The following SIL1 variants were observed in gnomAD, a reference collection of about 807,000 sequenced individuals.
SIL1 encodes the protein SIL1 nucleotide exchange factor.
Under a neutral mutation model 49.1 loss-of-function variants are expected in SIL1, and 40 were observed. That is an observed-to-expected ratio of 0.81 (90% confidence interval 0.63 to 1.06). The LOEUF is 1.06. Among genes scored for constraint, SIL1 ranks in the 50% least tolerant of loss-of-function variants. The pLI is 0.00. For missense variants in SIL1, 500 were observed against 572.6 expected (o/e 0.87, Z 1.29); for synonymous variants, 253 against 250.8 (o/e 1.01, Z -0.08).
chr5:139,161,485 A>C (rs1413096832), intron 1 of SIL1, among the ~76,000 whole-genome samples: 1 of 152,226 alleles, frequency 6.6e-6, no homozygotes, highest in Non-Finnish European at 1.5e-5. Context: ...CAGTATCTGC[A>C]GGGCTACAGT....
chr5:138,977,461 G>C (rs1308313570), intron 7 of SIL1, among the ~76,000 whole-genome samples: 2 of 152,050 alleles, frequency 1.3e-5, no homozygotes, highest in Non-Finnish European at 2.9e-5. Context: ...GCAATCAGAG[G>C]AATCTTTTTT....
At chr5:139,061,218 G>A (rs1195141291) in intron 3 of SIL1, among the ~76,000 whole-genome samples, 2 of 152,242 alleles carry the variant, frequency 1.3e-5, no homozygotes, top group African/African-American at 4.8e-5. Flanking sequence ...CAGTGACAGG[G>A]CCTGCTCAGG....
In SIL1 at chr5:138,966,823, T is replaced by C. The variant is rs192648401; in HGVS notation, c.768-14939A>G. ...GCTAAGTAATTTTCCCAAGGTCACATAGCTAATAAGTAGCAGAGTCATGAA... is the reference window on the plus strand; with the variant it reads ...GCTAAGTAATTTTCCCAAGGTCACACAGCTAATAAGTAGCAGAGTCATGAA... On this transcript the variant is annotated intron_variant, in intron 7 of 9. Transcript: ENST00000394817. Among the ~76,000 whole-genome samples, 179 of 152,284 alleles carry C rather than the reference T, an allele frequency of 1.2e-3. 1 individual carries two copies. Among genetic ancestry groups the C allele is most frequent in the African/African-American group, 3.9e-3 (164 of 41,566 alleles).
chr5:139,011,530 C>T (rs1014366627), intron 7 of SIL1, among the ~76,000 whole-genome samples: 20 of 152,154 alleles, frequency 1.3e-4, no homozygotes, highest in East Asian at 9.6e-4. Flanking sequence ...GACAGGTTCT[C>T]GCTTTGTTGC....
At position 139,068,401 on chromosome 5, in the gene SIL1, G is replaced by C. The variant is rs1428333361; in HGVS notation, c.245-17355C>G. ...GGTAGGACTTCAAGGGGCCACAGCT[G>C]TCTAGTCCCCTGAACTCTCAAAATT... On this transcript the variant is annotated intron_variant, in intron 3 of 9. Transcript: ENST00000394817. Among the ~76,000 whole-genome samples the C allele has an allele frequency of 2.0e-5, 3 of 152,180 alleles. No homozygotes were observed. The East Asian group carries it at 5.8e-4, about 29-fold the overall frequency.
intron 1 of SIL1, among the ~76,000 whole-genome samples, chr5:139,195,578 G>A (rs1471505261): frequency 9.9e-5 from 15 of 151,960 alleles, no homozygotes; most frequent in East Asian, 1.9e-4. Flanking sequence ...TAGTAGAGAC[G>A]GGGTTTCACC....
At chr5:139,034,267 C>A (rs1768855172) in intron 5 of SIL1, 1 of 151,944 alleles carries the variant, frequency 6.6e-6, no homozygotes, top group Non-Finnish European at 1.5e-5. Context: ...TTATGAAAAT[C>A]TGTTTAATTG....
intron 3 of SIL1, among the ~76,000 whole-genome samples, chr5:139,118,789 A>G (rs1204071992): frequency 2.0e-5 from 3 of 152,180 alleles, no homozygotes; most frequent in Non-Finnish European, 2.9e-5. Context: ...CAGTTTCCTA[A>G]CAGTATACAT....
Position 138,989,508 on chromosome 5 carries a change from T to C in SIL1, c.767+31663A>G, listed in dbSNP as rs182389763. 4.6e-5 allele frequency among the ~76,000 whole-genome samples: 7 copies of C among 151,806 alleles called. No individual in the cohort carries two copies. In the East Asian group the frequency reaches 1.2e-3, roughly 25 times the overall value. ...TGGGGCCCCCAGTGGTCACTACACATATCTGAGGGCAGATGGCAGCAGCAC... is the reference window on the plus strand; with the variant it reads ...TGGGGCCCCCAGTGGTCACTACACACATCTGAGGGCAGATGGCAGCAGCAC... On this transcript the variant is annotated intron_variant, in intron 7 of 9. Transcript: ENST00000394817.
intron 6 of SIL1, among the ~76,000 whole-genome samples, chr5:139,024,605 C>T (rs1768603630): frequency 6.6e-6 from 1 of 152,238 alleles, no homozygotes; most frequent in Non-Finnish European, 1.5e-5. Context: ...ACAAGGATCT[C>T]AAACAAGCCT....
chr5:139,138,258 A>T lies in SIL1; in HGVS notation c.-10-10405T>A, dbSNP rs146660775. The stretch of plus-strand genomic sequence containing the variant: ...TCCATGCAGAAAATACACAAGACAG[A>T]AGTATTTCTACATGGCAGACAAAGA... On this transcript the variant is annotated intron_variant, in intron 1 of 9. Transcript: ENST00000394817. 3.9e-5 allele frequency among the ~76,000 whole-genome samples: 6 copies of T among 152,330 alleles called. No homozygotes were observed. The East Asian group carries it at 9.6e-4, about 24-fold the overall frequency.
intron 1 of SIL1, among the ~76,000 whole-genome samples, chr5:139,128,536 C>A (rs1043525059): frequency 1.3e-5 from 2 of 151,720 alleles, no homozygotes; most frequent in Admixed American, 6.6e-5. Flanking sequence ...GTAGTCCCAA[C>A]TATGTGGAAG....
intron 2 of SIL1, among the ~76,000 whole-genome samples, chr5:139,124,978 T>C (rs1750725226): frequency 6.6e-6 from 1 of 152,328 alleles, no homozygotes; most frequent in South Asian, 2.1e-4. Flanking sequence ...TCAGATGTCC[T>C]AATAAGTTGT....
intron 3 of SIL1, chr5:139,107,877 C>T (rs565837899): frequency 6.6e-6 from 1 of 152,324 alleles, no homozygotes; most frequent in Admixed American, 6.5e-5. Context: ...ATTATTACTA[C>T]CCCTATTTTA....
intron 3 of SIL1, among the ~76,000 whole-genome samples, chr5:139,077,023 ATT>A (rs1287177926): frequency 6.6e-6 from 1 of 152,176 alleles, no homozygotes; most frequent in African/African-American, 2.4e-5. Flanking sequence ...AAACCCAGCT[ATT>A]TGGGAGGCTG....
chr5:138,950,284 C>T (rs1766739105), intron 9 of SIL1, among the ~76,000 whole-genome samples: 1 of 152,260 alleles, frequency 6.6e-6, no homozygotes, highest in Non-Finnish European at 1.5e-5. Context: ...CTGAGCACCA[C>T]ATGGCTGCCT....
chr5:139,048,978 A>G (rs1769229937), intron 4 of SIL1, among the ~76,000 whole-genome samples: 1 of 152,196 alleles, frequency 6.6e-6, no homozygotes, highest in South Asian at 2.1e-4. Flanking sequence ...CTCTATCTCA[A>G]TATGAAGTAG....
chr5:139,143,432 G>A (rs777090218), intron 1 of SIL1, among the ~76,000 whole-genome samples: 76 of 151,040 alleles, frequency 5.0e-4, no homozygotes, highest in Non-Finnish European at 8.4e-4. Context: ...GTAGCGGGGC[G>A]TAATCTAGGC....
intron 3 of SIL1, among the ~76,000 whole-genome samples, chr5:139,115,080 T>C (rs748616296): frequency 3.9e-5 from 6 of 152,074 alleles, no homozygotes; most frequent in Admixed American, 2.0e-4. Flanking sequence ...GAAGAGATTA[T>C]ACTCTTGGGG....
Sources: gnomAD v4.1 joint callset for allele counts (sites outside exome capture counted in the v4.1 genomes callset) on GRCh38, gnomAD v4.1.1 for gene constraint, MANE v1.5 for transcripts, NCBI Gene and HGNC (gene_info 2026-07-23, HGNC 2026-07-21) for gene names.